The following IL34 variants were observed in gnomAD, a reference collection of about 807,000 sequenced individuals.
The protein encoded by IL34 is interleukin 34, also known as interleukin-34.
IL34 carries 17 observed loss-of-function variants against 25.3 expected under a neutral mutation model. The ratio of observed to expected loss-of-function variants is 0.67; its 90% confidence interval spans 0.46 to 1.01. IL34 has a LOEUF of 1.01. Among genes scored for constraint, IL34 ranks in the 50% least tolerant of loss-of-function variants. The pLI, the probability that IL34 is intolerant of heterozygous loss-of-function variation, is 0.00. For missense variants in IL34, 368 were observed against 312.9 expected (o/e 1.18, Z -1.33); for synonymous variants, 174 against 140.9 (o/e 1.23, Z -1.66).
intron 1 of IL34, among the ~76,000 whole-genome samples, chr16:70,623,898 G>T (rs933589782): frequency 6.7e-6 from 1 of 149,772 alleles, no homozygotes; most frequent in Non-Finnish European, 1.5e-5. Flanking sequence ...AGTTATGGAG[G>T]CAAGGGAAAC....
chr16:70,655,365 T>C (rs1177149954), intron 2 of IL34, among the ~76,000 whole-genome samples: 3 of 151,548 alleles, frequency 2.0e-5, no homozygotes, highest in African/African-American at 7.3e-5. Context: ...TTTTTTCTTT[T>C]TAATTTTTTA....
intron 1 of IL34, among the ~76,000 whole-genome samples, chr16:70,600,933 A>AGGGCTGCTGGGAGGAGTAG (rs1422262554): frequency 2.3e-5 from 3 of 129,202 alleles, no homozygotes; most frequent in Non-Finnish European, 3.0e-5. Context: ...TGGCAGAAGC[A>AGGGCTGCTGGGAGGAGTAG]GGGCTGCTGG....
intron 3 of IL34, 58 bp downstream of exon 3, chr16:70,656,737 C>T (rs1567467945): frequency 4.0e-6 from 4 of 999,142 alleles, no homozygotes; most frequent in East Asian, 4.7e-5. Flanking sequence ...CGGTGGGCCC[C>T]AGCCTCAGAG....
At chr16:70,612,072 T>G (rs1273060572) in intron 1 of IL34, among the ~76,000 whole-genome samples, 1 of 152,084 alleles carries the variant, frequency 6.6e-6, no homozygotes, top group Non-Finnish European at 1.5e-5. Context: ...CTCCCTTCAT[T>G]AATCATGTGA....
chr16:70,598,741 A>G (rs1216327935), intron 1 of IL34, among the ~76,000 whole-genome samples: 1 of 152,156 alleles, frequency 6.6e-6, no homozygotes, highest in Non-Finnish European at 1.5e-5. Context: ...TCTGTCCATA[A>G]AATTAAAAAA....
Position 70,601,085 on chromosome 16 carries a change from G to A in IL34, c.-401+21036G>A, listed in dbSNP as rs1405575988. On this transcript the variant is annotated intron_variant, in intron 1 of 6. Transcript: ENST00000429149. ...GAAGTGAGGGATACTGACAGAGATG[G>A]AGAATACTGGGAGAGATAAGGAATG... Among the ~76,000 whole-genome samples the A allele has an allele frequency of 5.3e-5, 8 of 151,842 alleles. No homozygotes were observed. The East Asian group carries it at 1.5e-3, about 29-fold the overall frequency.
chr16:70,644,806 T>G (rs72792838), upstream of IL34, among the ~76,000 whole-genome samples: 65,526 of 107,094 alleles, frequency 0.61, 19,962 homozygotes, highest in African/African-American at 0.88. Flanking sequence ...GGAGGAGGAA[T>G]GAAAAGGAGG....
At chr16:70,623,489 G>C (rs939685202) in intron 1 of IL34, among the ~76,000 whole-genome samples, 1 of 152,174 alleles carries the variant, frequency 6.6e-6, no homozygotes, top group South Asian at 2.1e-4. Context: ...TGTAGCAGGC[G>C]AGTGATAACA....
chr16:70,595,297 T>A lies in IL34; in HGVS notation c.-401+15248T>A, dbSNP rs549121866. Among the ~76,000 whole-genome samples the A allele has an allele frequency of 2.0e-5, 3 of 151,494 alleles. No homozygotes were observed. In the South Asian group the frequency reaches 6.3e-4, roughly 32 times the overall value. ...TTCTTAGTTCTGTTTCCTCTCTAGT[T>A]TTCTTCTCCTTCTTCTTTCTCCTCT... is the stretch of plus-strand genomic sequence containing the variant. On this transcript the variant is annotated intron_variant, in intron 1 of 6. Transcript: ENST00000429149.
chr16:70,653,639 A>G (rs1047350270), intron 1 of IL34, among the ~76,000 whole-genome samples: 1 of 151,512 alleles, frequency 6.6e-6, no homozygotes, highest in Non-Finnish European at 1.5e-5. Context: ...TCTAGGATGC[A>G]ATGAGCCATG....
At chr16:70,640,899 G>A (rs1212430664) in intron 1 of IL34, among the ~76,000 whole-genome samples, 1 of 152,056 alleles carries the variant, frequency 6.6e-6, no homozygotes, top group Non-Finnish European at 1.5e-5. Flanking sequence ...TCTGTCCCTG[G>A]AGTTTTGCTT....
At chr16:70,648,131 C>T (rs879616593) in intron 1 of IL34, among the ~76,000 whole-genome samples, 11 of 152,140 alleles carry the variant, frequency 7.2e-5, no homozygotes, top group South Asian at 4.1e-4. Context: ...TTTGAGAGCC[C>T]GGCGGGGGTG....
intron 1 of IL34, among the ~76,000 whole-genome samples, chr16:70,595,057 C>G (rs1297741041): frequency 6.6e-6 from 1 of 151,380 alleles, no homozygotes; most frequent in Non-Finnish European, 1.5e-5. Flanking sequence ...AGGGTTCAAG[C>G]AATTCTCCTG....
intron 1 of IL34, among the ~76,000 whole-genome samples, chr16:70,584,749 A>G (rs2050672280): frequency 1.3e-5 from 2 of 151,398 alleles, no homozygotes; most frequent in Non-Finnish European, 2.9e-5. Flanking sequence ...CAGCGAAGCT[A>G]GAGTCCAGTG....
At chr16:70,625,736 T>C (rs2051379025) in intron 1 of IL34, among the ~76,000 whole-genome samples, 1 of 152,010 alleles carries the variant, frequency 6.6e-6, no homozygotes, top group African/African-American at 2.4e-5. Flanking sequence ...CTGCTTTGTC[T>C]CTCCCAGAAA....
intron 1 of IL34, among the ~76,000 whole-genome samples, chr16:70,629,662 C>A (rs1477455951): frequency 6.6e-6 from 1 of 151,122 alleles, no homozygotes; most frequent in Non-Finnish European, 1.5e-5. Flanking sequence ...TGTACATGTT[C>A]AGTACAGAAA....
intron 1 of IL34, among the ~76,000 whole-genome samples, chr16:70,599,021 A>G (rs532471022): frequency 6.6e-6 from 1 of 152,142 alleles, no homozygotes; most frequent in Non-Finnish European, 1.5e-5. Flanking sequence ...ACCTTGTAAG[A>G]TGTTATCTCA....
chr16:70,593,835 A>T (rs1344565002), intron 1 of IL34, among the ~76,000 whole-genome samples: 1 of 151,898 alleles, frequency 6.6e-6, no homozygotes, highest in Admixed American at 6.6e-5. Flanking sequence ...CAATATCTAG[A>T]TTTTTTTCTT....
intron 1 of IL34, among the ~76,000 whole-genome samples, chr16:70,599,263 C>G (rs191084355): frequency 1.0e-5 from 1 of 95,476 alleles, no homozygotes; most frequent in Non-Finnish European, 2.4e-5. Context: ...ATGTCAAGAA[C>G]TGTTTCTTTC....
Sources: allele counts gnomAD v4.1 joint callset (sites outside exome capture counted in the v4.1 genomes callset), GRCh38; gene constraint gnomAD v4.1.1; transcripts MANE v1.5; gene names NCBI Gene and HGNC (gene_info 2026-07-23, HGNC 2026-07-21).